The following PHF24 variants were observed in gnomAD, a reference collection of about 807,000 sequenced individuals.
PHF24 encodes Galpha inhibitory interacting protein.
Under a neutral mutation model 42.6 loss-of-function variants are expected in PHF24, and 25 were observed. The observed-to-expected ratio is 0.59, with a 90% CI of 0.43 to 0.82. The LOEUF is 0.82. PHF24 is among the 40% of genes least tolerant of loss of function. PHF24 has a pLI of 0.00. For synonymous variants in PHF24, 185 were observed against 204.8 expected, an observed-to-expected ratio of 0.90 and a Z score of 0.83; for missense variants, 470 against 538.1, an observed-to-expected ratio of 0.87 and a Z score of 1.25.
the PHF24 span, chr9:34,665,938 T>C: frequency 3.2e-5 from 17 of 525,226 alleles, no homozygotes; most frequent in Admixed American, 6.0e-4. Flanking sequence ...GGCTGGGAGA[T>C]TTGGGGCCCT....
At chr9:34,956,165 G>A (rs1488508685), upstream of PHF24, among the ~76,000 whole-genome samples, 1 of 152,108 alleles carries the variant, frequency 6.6e-6, no homozygotes, top group Non-Finnish European at 1.5e-5. Context: ...TCCTCTATGA[G>A]ATTATAGTTC....
chr9:34,890,001 A>G, the PHF24 span, among the ~76,000 whole-genome samples: 5 of 152,124 alleles, frequency 3.3e-5, no homozygotes, highest in Non-Finnish European at 7.4e-5. Context: ...TGCTCTTGGA[A>G]CTCAAGGTTA....
At chr9:34,797,703 T>C in the PHF24 span, among the ~76,000 whole-genome samples, 5 of 151,296 alleles carry the variant, frequency 3.3e-5, no homozygotes, top group East Asian at 9.7e-4. Flanking sequence ...GCAGCTTGTG[T>C]GTCTGCCTGC....
the PHF24 span, among the ~76,000 whole-genome samples, chr9:34,947,898 G>A: frequency 5.9e-5 from 9 of 152,160 alleles, no homozygotes; most frequent in Non-Finnish European, 2.9e-5. Context: ...CACGAGGTCA[G>A]GAGATTGAGA....
At chr9:34,924,171 AT>A in the PHF24 span, among the ~76,000 whole-genome samples, 1 of 152,208 alleles carries the variant, frequency 6.6e-6, no homozygotes, top group African/African-American at 2.4e-5. Context: ...GATACTTGAT[AT>A]TATTTCAGTT....
the PHF24 span, among the ~76,000 whole-genome samples, chr9:34,808,634 T>C: frequency 6.6e-6 from 1 of 152,048 alleles, no homozygotes; most frequent in Non-Finnish European, 1.5e-5. Flanking sequence ...AAGGACCTGG[T>C]CTCTACTTCC....
the PHF24 span, among the ~76,000 whole-genome samples, chr9:34,903,619 G>A: frequency 6.6e-6 from 1 of 152,316 alleles, no homozygotes; most frequent in East Asian, 1.9e-4. Context: ...GAACCAAAGA[G>A]CAAGGCTGGA....
At chr9:34,935,166 A>G in the PHF24 span, among the ~76,000 whole-genome samples, 1 of 152,226 alleles carries the variant, frequency 6.6e-6, no homozygotes, top group Admixed American at 6.5e-5. Flanking sequence ...TGGTACCTGG[A>G]GGACATGTAA....
chr9:34,702,009 T>C, the PHF24 span, among the ~76,000 whole-genome samples: 2 of 152,062 alleles, frequency 1.3e-5, no homozygotes, highest in East Asian at 3.9e-4. Context: ...CTTACACCAC[T>C]CATTACGGGG....
chr9:34,692,908 T>C, the PHF24 span, among the ~76,000 whole-genome samples: 2 of 149,072 alleles, frequency 1.3e-5, no homozygotes, highest in Non-Finnish European at 3.0e-5. Flanking sequence ...TGCCTCAGCC[T>C]CCTGAGTAGC....
upstream of PHF24, among the ~76,000 whole-genome samples, chr9:34,955,228 A>G (rs1026631778): frequency 6.6e-6 from 1 of 152,166 alleles, no homozygotes; most frequent in South Asian, 2.1e-4. Context: ...GTATTTGTCA[A>G]TCTTATAAGC....
At chr9:34,714,689 G>A in the PHF24 span, among the ~76,000 whole-genome samples, 2 of 152,172 alleles carry the variant, frequency 1.3e-5, no homozygotes, top group African/African-American at 4.8e-5. Context: ...AGTTGGTCTG[G>A]GGAAAGGAAA....
At chr9:34,701,777 G>C in the PHF24 span, among the ~76,000 whole-genome samples, 4 of 152,050 alleles carry the variant, frequency 2.6e-5, no homozygotes, top group Admixed American at 6.5e-5. This position sits in a 1 kb window ranked among gnomAD's most constrained non-coding sequence, Gnocchi z 5.8. Flanking sequence ...CCCGAGCCTC[G>C]GGGGTCCTCT....
At chr9:34,847,274 G>A in the PHF24 span, among the ~76,000 whole-genome samples, 22 of 152,000 alleles carry the variant, frequency 1.4e-4, no homozygotes, top group South Asian at 2.1e-4. Flanking sequence ...CTTTTATTTC[G>A]TTGAGCAGTG....
chr9:34,905,201 C>T, the PHF24 span, among the ~76,000 whole-genome samples: 5 of 152,292 alleles, frequency 3.3e-5, no homozygotes, highest in Admixed American at 6.5e-5. Context: ...TGATTCCCCT[C>T]GTTAGTCTCC....
At chr9:34,734,946 C>T in the PHF24 span, among the ~76,000 whole-genome samples, 1 of 152,144 alleles carries the variant, frequency 6.6e-6, no homozygotes, top group African/African-American at 2.4e-5. Flanking sequence ...TTAGAGAAAC[C>T]TGGAGCCTGT....
At chr9:34,947,295 A>G in the PHF24 span, among the ~76,000 whole-genome samples, 1 of 152,248 alleles carries the variant, frequency 6.6e-6, no homozygotes, top group South Asian at 2.1e-4. Context: ...GGTCCCATAA[A>G]ATTATAATGA....
At chr9:34,962,684 C>T (rs942177195) in intron 1 of PHF24, among the ~76,000 whole-genome samples, 1 of 152,240 alleles carries the variant, frequency 6.6e-6, no homozygotes, top group Non-Finnish European at 1.5e-5. Context: ...ACAGGGAGTG[C>T]CTCTCCATCT....
upstream of PHF24, among the ~76,000 whole-genome samples, chr9:34,957,155 A>G (rs1279360473): frequency 6.6e-6 from 1 of 152,228 alleles, no homozygotes; most frequent in African/African-American, 2.4e-5. Flanking sequence ...GAAATATACC[A>G]TACTTGCCTT....
Sources: allele counts gnomAD v4.1 joint callset (sites outside exome capture counted in the v4.1 genomes callset), GRCh38; gene constraint gnomAD v4.1.1; non-coding constraint Gnocchi (gnomAD v3.1); transcripts MANE v1.5; gene names NCBI Gene and HGNC (gene_info 2026-07-23, HGNC 2026-07-21).